MYO5C: variants seen among roughly 807,000 people sequenced by gnomAD.
MYO5C encodes the protein unconventional myosin-Vc.
A neutral mutation model predicts 235.7 loss-of-function variants in MYO5C; 194 were observed. That is an observed-to-expected ratio of 0.82 (90% CI 0.73 to 0.93). The LOEUF is 0.93. Ranked by LOEUF, MYO5C falls within the 40% of genes least tolerant of loss-of-function variation. MYO5C has a pLI of 0.00. For synonymous variants in MYO5C, 707 were observed against 754.8 expected (o/e 0.94, Z 1.04); for missense variants, 2,038 against 2,127.2 (o/e 0.96, Z 0.82).
chr15:52,194,163 C>T (rs1450169542), intron 40 of MYO5C, 109 bp from the exon 41 acceptor site: 1 of 1,000,050 alleles, frequency 1.0e-6, no homozygotes, highest in Non-Finnish European at 1.5e-6. Flanking sequence ...GAGCTCCTTG[C>T]ACCATCACAT....
At chr15:52,240,349 G>A (rs747908635) in intron 20 of MYO5C, among the ~76,000 whole-genome samples, 6 of 151,800 alleles carry the variant, frequency 4.0e-5, no homozygotes, top group African/African-American at 9.7e-5. Flanking sequence ...AGGGAAGATC[G>A]CTTGAGGCCA....
intron 16 of MYO5C, 68 bp downstream of exon 16, chr15:52,246,849 A>T (rs2036358548): frequency 7.4e-7 from 1 of 1,346,876 alleles, no homozygotes; most frequent in Non-Finnish European, 1.0e-6. Flanking sequence ...ATTGGAAGCA[A>T]ATTCTCCAAC....
At chr15:52,222,653 G>A (rs778381272) in intron 29 of MYO5C, among the ~76,000 whole-genome samples, 4 of 152,166 alleles carry the variant, frequency 2.6e-5, no homozygotes, top group East Asian at 1.9e-4. Context: ...TGGGAGGTGT[G>A]CGGAGGAAGT....
intron 1 of MYO5C, among the ~76,000 whole-genome samples, 200 bp downstream of exon 1, chr15:52,295,410 C>T (rs558657250): frequency 3.3e-5 from 5 of 152,192 alleles, no homozygotes; most frequent in African/African-American, 1.2e-4. Flanking sequence ...CACGCCGGGG[C>T]CCTGGAGGGG....
chr15:52,249,964 G>A (rs543959194), intron 13 of MYO5C, among the ~76,000 whole-genome samples: 10 of 152,306 alleles, frequency 6.6e-5, no homozygotes, highest in African/African-American at 2.4e-4. Flanking sequence ...ACGCTGCCTA[G>A]TTCTTTTAAG....
At position 52,205,031 on chromosome 15, in the gene MYO5C, G is replaced by A. The variant is rs375089904; in HGVS notation, c.4654C>T (p.Leu1552=). The A allele has an allele frequency of 1.9e-6, 3 of 1,614,118 alleles. No homozygotes were observed. Among genetic ancestry groups the A allele is most frequent in the African/African-American group, 2.7e-5 (2 of 74,944 alleles). Reference sequence around the variant, plus strand: ...GTGTAAAAGTAGCTCAGCTGTTGCAGGACGGAGGTCATGGTGTAGCCGTCC... The same window carrying A: ...GTGTAAAAGTAGCTCAGCTGTTGCAAGACGGAGGTCATGGTGTAGCCGTCC... The part of the protein sequence containing the change: ...DTDGYTMTSV[L]QQLSYFYTTM... The change falls in exon 38 of 41, where the codon CTG becomes TTG. Residue 1552 remains leucine (L), a synonymous_variant. Transcript: ENST00000261839.
At chr15:52,245,496 G>A (rs1301004435) in intron 17 of MYO5C, 31 bp from the exon 18 acceptor site, 36 of 1,499,586 alleles carry the variant, frequency 2.4e-5, no homozygotes, top group Admixed American at 2.3e-4. Flanking sequence ...AAAGCCAGGA[G>A]TGTCAGAGGA....
Position 52,251,417 on chromosome 15 carries a change from G to C in MYO5C, c.1635C>G (p.Ser545=), listed in dbSNP as rs764531748. The C allele has an allele frequency of 6.3e-7, 1 of 1,598,564 alleles. No homozygotes were observed. The highest frequency in any genetic ancestry group is 8.5e-7 in the Non-Finnish European group (1 of 1,171,172). The stretch of plus-strand genomic sequence containing the variant: ...TATCAGCAAAGTGCTGGATGACAAA[G>C]GATGTGTTTGACATTCTAGGCTTTT... ...LFEKPRMSNT[S]FVIQHFADKV... is the part of the protein sequence containing the mutation. The change falls in exon 13 of 41, where the codon TCC becomes TCG. Residue 545 remains serine, a synonymous_variant. Coordinates refer to ENST00000261839, the MANE Select transcript of MYO5C (RefSeq NM_018728.4).
chr15:52,218,451 G>A (rs1217614962), intron 32 of MYO5C, 68 bp downstream of exon 32: 2 of 1,438,706 alleles, frequency 1.4e-6, no homozygotes, highest in African/African-American at 1.4e-5. Flanking sequence ...GCTTTAGGTG[G>A]CATGTCCCCC....
intron 1 of MYO5C, among the ~76,000 whole-genome samples, chr15:52,285,459 C>T (rs1191641332): frequency 6.7e-6 from 1 of 148,998 alleles, no homozygotes; most frequent in African/African-American, 2.5e-5. Flanking sequence ...TCTCCCTCTC[C>T]CGTCTCCCTC....
rs955329463 is a variant in MYO5C at position 52,225,619 on chromosome 15, C to T, written c.3208-87G>A. ...CAAAGGGAACACAATTACAGCGTTG[C>T]GTGTCTATGCAAGACATCCTCACTG... On this transcript the variant is annotated intron_variant, in intron 25 of 40. Transcript: ENST00000261839. 186 of 898,806 alleles carry T rather than the reference C, an allele frequency of 2.1e-4. 2 individuals are homozygous for T. In the Middle Eastern group the frequency reaches 5.7e-3, roughly 28 times the overall value. 55.7% of individuals were successfully genotyped at this position (898,806 alleles called of 1,614,324 possible). A position where few individuals can be genotyped will look rare whatever the true frequency, so the allele number is the denominator to read the frequency against.
intron 10 of MYO5C, among the ~76,000 whole-genome samples, chr15:52,257,534 G>A (rs1366303044): frequency 2.0e-5 from 3 of 152,190 alleles, no homozygotes; most frequent in Non-Finnish European, 2.9e-5. Context: ...AACGTGGGCC[G>A]AACAAAACAG....
chr15:52,295,203 C>G (rs976649386), intron 1 of MYO5C, among the ~76,000 whole-genome samples: 27 of 152,288 alleles, frequency 1.8e-4, no homozygotes, highest in African/African-American at 6.0e-4. Context: ...TGATTCCACC[C>G]GTGGTGTGGT....
At chr15:52,271,934 T>C (rs1189716520) in intron 6 of MYO5C, 90 bp from the exon 7 acceptor site, 8 of 673,770 alleles carry the variant, frequency 1.2e-5, no homozygotes, top group African/African-American at 1.8e-5. Flanking sequence ...AGATATCTAA[T>C]CCGCATGGAT....
At chr15:52,220,321 C>G (rs2035647530) in intron 30 of MYO5C, among the ~76,000 whole-genome samples, 1 of 152,138 alleles carries the variant, frequency 6.6e-6, no homozygotes, top group African/African-American at 2.4e-5. Flanking sequence ...GGGCAACAAT[C>G]AGTGGAGCTT....
intron 24 of MYO5C, among the ~76,000 whole-genome samples, chr15:52,232,099 A>T (rs1005242770): frequency 6.7e-6 from 1 of 148,590 alleles, no homozygotes; most frequent in Non-Finnish European, 1.5e-5. Flanking sequence ...GCAATAAAGT[A>T]AAAAAAAAAG....
At chr15:52,290,617 A>C (rs1361915390) in intron 1 of MYO5C, among the ~76,000 whole-genome samples, 1 of 87,172 alleles carries the variant, frequency 1.1e-5, no homozygotes, top group African/African-American at 3.3e-5. Context: ...GAGCAAGAGC[A>C]ACCTTTAGGA....
At chr15:52,231,315 G>T (rs1440441400) in intron 24 of MYO5C, among the ~76,000 whole-genome samples, 1 of 152,084 alleles carries the variant, frequency 6.6e-6, no homozygotes, top group African/African-American at 2.4e-5. Flanking sequence ...CGGGCCTAGA[G>T]AGGGTGAAGA....
chr15:52,204,930 C>G lies in MYO5C; in HGVS notation c.4755G>C (p.Ala1585=), dbSNP rs767148354. The G allele has an allele frequency of 1.5e-5, 24 of 1,614,102 alleles. No individual in the cohort carries two copies. The highest frequency in any genetic ancestry group is 2.0e-5 in the Non-Finnish European group (24 of 1,180,044). ...AVKQLFFLIG[A]VTLNSLFLRK... Reference sequence around the variant, plus strand: ...GCAGGAAGAGGCTGTTCAGCGTGACCGCCCCGATCAAGAAGAAGAGCTGCT... The same window carrying G: ...GCAGGAAGAGGCTGTTCAGCGTGACGGCCCCGATCAAGAAGAAGAGCTGCT... Residue 1585 remains alanine, a synonymous_variant, in exon 38 of 41, where the codon GCG becomes GCC. Transcript: ENST00000261839.
Sources: gnomAD v4.1 joint callset for allele counts (sites outside exome capture counted in the v4.1 genomes callset) on GRCh38, gnomAD v4.1.1 for gene constraint, MANE v1.5 for transcripts, NCBI Gene and HGNC (gene_info 2026-07-23, HGNC 2026-07-21) for gene names.